The following ZNF236 variants were observed in gnomAD, a reference collection of about 807,000 sequenced individuals.
The protein encoded by ZNF236 is regulated by glucose.
In ZNF236, 50 loss-of-function variants were observed where a neutral mutation model predicts 191.2. The ratio of observed to expected loss-of-function variants is 0.26; its 90% CI spans 0.21 to 0.33. The LOEUF is 0.33. Among genes scored for constraint, ZNF236 ranks in the 10% least tolerant of loss-of-function variants. The pLI is 1.00. For synonymous variants in ZNF236, 907 were observed against 928.8 expected, an observed-to-expected ratio of 0.98 and a Z score of 0.43; for missense variants, 1,754 against 2,374.5, an observed-to-expected ratio of 0.74 and a Z score of 5.43.
At chr18:76,936,998 A>AAAATTAG (rs1968017389) in intron 25 of ZNF236, among the ~76,000 whole-genome samples, 158 bp from the exon 26 acceptor site, 1 of 152,240 alleles carries the variant, frequency 6.6e-6, no homozygotes, top group Non-Finnish European at 1.5e-5. Context: ...GCCTTATCCT[A>AAAATTAG]AAATTAGAAT....
intron 1 of ZNF236, among the ~76,000 whole-genome samples, chr18:76,837,329 T>A (rs1385306406): frequency 6.6e-6 from 1 of 152,122 alleles, no homozygotes; most frequent in African/African-American, 2.4e-5. Flanking sequence ...ATGTTTTTCT[T>A]CTAGGAGATT....
chr18:76,955,828 C>T (rs1050519583), intron 27 of ZNF236, among the ~76,000 whole-genome samples, 157 bp from the exon 28 acceptor site: 6 of 152,172 alleles, frequency 3.9e-5, no homozygotes, highest in Non-Finnish European at 5.9e-5. Context: ...GTGTGGAAGG[C>T]GCCTCTGGCT....
intron 9 of ZNF236, among the ~76,000 whole-genome samples, chr18:76,893,542 C>G (rs1388460259): frequency 1.3e-5 from 2 of 152,030 alleles, no homozygotes; most frequent in African/African-American, 4.8e-5. Context: ...GGGTCTGGCT[C>G]TGTCGCCCAG....
chr18:76,968,762 G>GT lies in ZNF236; in HGVS notation c.*424dup. ...AAGAAGCATAGCTTACAAAGCAAGC[G>GT]TAAGATTGAGGCATGAAGTTCAGAA... On this transcript the variant is annotated 3_prime_UTR_variant, in exon 31 of 31. Transcript: ENST00000320610. 1.0e-6 allele frequency: 1 copy of GT among 992,796 alleles called. No homozygotes were observed. The highest frequency in any genetic ancestry group is 1.7e-5 in the African/African-American group (1 of 57,390). 61.5% of individuals were successfully genotyped at this position (992,796 alleles called of 1,614,324 possible).
rs146229124 is a variant in ZNF236 at position 76,947,073 on chromosome 18, GCCAGTCCACTTTC to G, written c.4783-447_4783-435del. Among the ~76,000 whole-genome samples, 1,040 of 151,908 alleles carry G rather than the reference GCCAGTCCACTTTC, an allele frequency of 6.8e-3. 9 individuals carry two copies. Among genetic ancestry groups the G allele is most frequent in the African/African-American group, 0.023 (958 of 41,422 alleles). ...ACCCTCACCGCTGCCCCTGGCAACT[GCCAGTCCACTTTC>G]TGTCTCCGTAGATGCATCCGTTCTG... On this transcript the variant is annotated intron_variant, in intron 26 of 30. Transcript: ENST00000320610.
At chr18:76,839,320 C>T (rs996930276) in intron 1 of ZNF236, among the ~76,000 whole-genome samples, 1 of 152,154 alleles carries the variant, frequency 6.6e-6, no homozygotes, top group African/African-American at 2.4e-5. Flanking sequence ...TCAAGAGTGG[C>T]TATAGCAATT....
chr18:76,920,269 G>A (rs554912592), intron 20 of ZNF236, among the ~76,000 whole-genome samples: 15 of 152,066 alleles, frequency 9.9e-5, no homozygotes, highest in African/African-American at 3.1e-4. Context: ...GTCTGTTTTC[G>A]GCTGTGCATG....
At chr18:76,935,691 C>G (rs1320353606) in intron 25 of ZNF236, among the ~76,000 whole-genome samples, 1 of 152,220 alleles carries the variant, frequency 6.6e-6, no homozygotes, top group Non-Finnish European at 1.5e-5. Flanking sequence ...GCCCCAGTCT[C>G]TATGGTTTTG....
rs186185977 is a variant in ZNF236, at chr18:76,845,633, G to A, written c.56-3893G>A. Among the ~76,000 whole-genome samples, 361 of 152,080 alleles carry A rather than the reference G, an allele frequency of 2.4e-3. 3 individuals carry two copies. Among genetic ancestry groups the A allele is most frequent in the Non-Finnish European group, 1.8e-3 (122 of 67,962 alleles). Reference sequence around the variant, plus strand: ...TGGGAGGCAGAGATGGGTGGATCACGAGGTCAGGAGCTCGAGACCAGCCTG... The same window carrying A: ...TGGGAGGCAGAGATGGGTGGATCACAAGGTCAGGAGCTCGAGACCAGCCTG... On this transcript the variant is annotated intron_variant, in intron 1 of 30. Transcript: ENST00000320610.
intron 30 of ZNF236, among the ~76,000 whole-genome samples, chr18:76,964,204 G>A (rs777212221): frequency 1.3e-5 from 2 of 152,132 alleles, no homozygotes; most frequent in Admixed American, 6.6e-5. Context: ...TTAGGGCTAC[G>A]AACTTTCCTC....
intron 9 of ZNF236, among the ~76,000 whole-genome samples, chr18:76,890,842 C>A (rs1977206482): frequency 6.6e-6 from 1 of 152,054 alleles, no homozygotes; most frequent in African/African-American, 2.4e-5. Flanking sequence ...TGCAAAGGTC[C>A]ACTTATATGC....
chr18:76,833,973 G>A (rs2122410421), intron 1 of ZNF236, among the ~76,000 whole-genome samples: 1 of 152,306 alleles, frequency 6.6e-6, no homozygotes, highest in Admixed American at 6.5e-5. Context: ...TTACAGGCAT[G>A]AGCCACCATG....
chr18:76,938,562 C>G (rs1968056341), intron 26 of ZNF236, among the ~76,000 whole-genome samples: 1 of 152,240 alleles, frequency 6.6e-6, no homozygotes, highest in African/African-American at 2.4e-5. Flanking sequence ...TAGTCCCTCG[C>G]ATTGGTGAAA....
rs116027859 is a variant in ZNF236 at position 76,834,468 on chromosome 18, G to A, written c.55+11806G>A. On this transcript the variant is annotated intron_variant, in intron 1 of 30. Coordinates refer to ENST00000320610, the MANE Select transcript of ZNF236 (RefSeq NM_001306089.2). Reference sequence around the variant, plus strand: ...GCTCAATTGTTTCTTCCTTATATTTGCCCTTTTACTTTTCTACTTGGCGAG... The same window carrying A: ...GCTCAATTGTTTCTTCCTTATATTTACCCTTTTACTTTTCTACTTGGCGAG... 2,117 of 338,452 alleles carry A rather than the reference G, an allele frequency of 6.3e-3. 39 individuals are homozygous for A. Among genetic ancestry groups the A allele is most frequent in the African/African-American group, 0.043 (1,865 of 43,824 alleles). 21.0% of individuals were successfully genotyped at this position (338,452 alleles called of 1,614,324 possible).
chr18:76,851,924 A>C lies in ZNF236; in HGVS notation c.348A>C (p.Leu116=). Residue 116 remains leucine (L), a synonymous_variant, in exon 3 of 31, where the codon CTA becomes CTC. Transcript: ENST00000320610. ...CTAGTCTCAAAGCGCATATTATGCTACATGAAAAGGAAGAGGTAATCATCA... is the reference window on the plus strand; with the variant it reads ...CTAGTCTCAAAGCGCATATTATGCTCCATGAAAAGGAAGAGGTAATCATCA... The part of the protein sequence containing the change: ...RVASLKAHIM[L]HEKEENLICS... The C allele has an allele frequency of 3.1e-6, 5 of 1,609,846 alleles. No homozygotes were observed. The highest frequency in any genetic ancestry group is 4.2e-6 in the Non-Finnish European group (5 of 1,178,496).
chr18:76,905,142 AT>A lies in ZNF236; in HGVS notation c.2037-4del, dbSNP rs752645333. 2.3e-4 allele frequency: 354 copies of A among 1,564,582 alleles called. No individual in the cohort carries two copies. Among genetic ancestry groups the A allele is most frequent in the Admixed American group, 5.5e-4 (31 of 56,256 alleles). ...AAGAAACATATTCATTAAAATGTGT[AT>A]TTTTTTTTAAGATCCCATACAGGTG... On this transcript the variant is annotated splice_polypyrimidine_tract_variant and intron_variant, in intron 12 of 30. Transcript: ENST00000320610.
Position 76,860,623 on chromosome 18 carries a change from GA to G in ZNF236, c.364-8061del, listed in dbSNP as rs902157416. Among the ~76,000 whole-genome samples, 65 of 152,154 alleles carry G rather than the reference GA, an allele frequency of 4.3e-4. 1 individual carries two copies. Among genetic ancestry groups the G allele is most frequent in the African/African-American group, 1.5e-3 (64 of 41,504 alleles). On this transcript the variant is annotated intron_variant, in intron 3 of 30. Coordinates refer to ENST00000320610, the MANE Select transcript of ZNF236 (RefSeq NM_001306089.2). ...TGTTATGCCGTGGTCTCCTGGGTAG[GA>G]CCACATCATCTGAACTTTGTGCAGC... is the stretch of plus-strand genomic sequence containing the variant.
intron 27 of ZNF236, among the ~76,000 whole-genome samples, chr18:76,952,936 CACTCAGGTAAGG>C (rs1968442995): frequency 6.6e-6 from 1 of 152,216 alleles, no homozygotes; most frequent in African/African-American, 2.4e-5. Flanking sequence ...CCAAAGTAAG[CACTCAGGTAAGG>C]ACCCTGCTGG....
intron 26 of ZNF236, among the ~76,000 whole-genome samples, chr18:76,946,259 C>T (rs1002833441): frequency 2.6e-5 from 4 of 152,190 alleles, no homozygotes; most frequent in African/African-American, 9.6e-5. Flanking sequence ...TGCACAAGCT[C>T]TCCTCTCTTT....
Sources: allele counts gnomAD v4.1 joint callset (sites outside exome capture counted in the v4.1 genomes callset), GRCh38; gene constraint gnomAD v4.1.1; transcripts MANE v1.5; gene names NCBI Gene and HGNC (gene_info 2026-07-23, HGNC 2026-07-21).